Variants in CNTN4 observed in about 807,000 individuals in gnomAD.
CNTN4 encodes contactin-4.
A neutral mutation model predicts 122.5 loss-of-function variants in CNTN4; 77 were observed. The observed-to-expected ratio is 0.63, with a 90% CI of 0.52 to 0.76. The LOEUF is 0.76. Among genes scored for constraint, CNTN4 ranks in the 30% least tolerant of loss-of-function variants. The probability of loss-of-function intolerance (pLI) is 0.00; values close to 1 mark genes in which losing one functional copy is unlikely to be tolerated. For synonymous variants in CNTN4, 512 were observed against 447.0 expected (o/e 1.15, Z -1.83); for missense variants, 1,256 against 1,259.1 (o/e 1.00, Z 0.04).
intron 2 of CNTN4, among the ~76,000 whole-genome samples, chr3:2,300,798 A>T (rs1425723076): frequency 6.6e-6 from 1 of 151,820 alleles, no homozygotes; most frequent in Admixed American, 6.6e-5. Flanking sequence ...CTCCATCAAC[A>T]GACCTTGTGA....
intron 6 of CNTN4, among the ~76,000 whole-genome samples, chr3:2,809,166 G>A (rs895272397): frequency 5.6e-4 from 85 of 152,342 alleles, no homozygotes; most frequent in Non-Finnish European, 4.6e-4. Flanking sequence ...GGCGGCGGTG[G>A]TGATTTCTGG....
intron 4 of CNTN4, among the ~76,000 whole-genome samples, chr3:2,660,391 A>G (rs2083825412): frequency 6.6e-6 from 1 of 152,186 alleles, no homozygotes. Context: ...GCAGCAAACT[A>G]CGCAAAATAA....
intron 4 of CNTN4, among the ~76,000 whole-genome samples, chr3:2,705,632 A>G (rs1419836565): frequency 2.3e-5 from 2 of 85,824 alleles, no homozygotes; most frequent in East Asian, 3.7e-4. Flanking sequence ...ATATATAAAT[A>G]TATATATTAT....
At chr3:2,729,862 A>T (rs1054347691) in intron 4 of CNTN4, among the ~76,000 whole-genome samples, 1 of 152,102 alleles carries the variant, frequency 6.6e-6, no homozygotes, top group Non-Finnish European at 1.5e-5. Flanking sequence ...TGCAGTGAGC[A>T]GAGATCAAGC....
chr3:2,557,079 G>A (rs1049431554), intron 3 of CNTN4, among the ~76,000 whole-genome samples: 7 of 152,128 alleles, frequency 4.6e-5, no homozygotes, highest in African/African-American at 1.7e-4. Context: ...CTGAAATAGC[G>A]TCAGTCTCAA....
At chr3:2,132,092 G>C (rs2034478220) in intron 2 of CNTN4, among the ~76,000 whole-genome samples, 1 of 152,080 alleles carries the variant, frequency 6.6e-6, no homozygotes, top group Non-Finnish European at 1.5e-5. Context: ...TATTTTCTTG[G>C]CATCTTCACT....
intron 2 of CNTN4, among the ~76,000 whole-genome samples, chr3:2,125,328 C>CTGTGTGTG (rs1350582197): frequency 5.9e-4 from 41 of 69,930 alleles, no homozygotes; most frequent in African/African-American, 1.8e-3. Flanking sequence ...ACATTCTATT[C>CTGTGTGTG]TCTGTGTGTG....
intron 2 of CNTN4, among the ~76,000 whole-genome samples, chr3:2,176,166 A>G (rs138021418): frequency 2.6e-5 from 4 of 152,186 alleles, no homozygotes; most frequent in East Asian, 1.9e-4. Flanking sequence ...TATGTAGCCA[A>G]TGACAGGCCT....
chr3:2,929,851 G>A (rs1468854477), intron 13 of CNTN4, among the ~76,000 whole-genome samples: 1 of 152,196 alleles, frequency 6.6e-6, no homozygotes, highest in Non-Finnish European at 1.5e-5. Flanking sequence ...TTTTCCCAAA[G>A]AAATCGAGCT....
rs549618721 is a variant in CNTN4 at position 2,955,500 on chromosome 3, A to G, written c.1358+29721A>G. The stretch of plus-strand genomic sequence containing the variant: ...AGCTCTAGACATTAAATATTCAGAT[A>G]TTCAATTCCAGAAGGACAGAGTGAG... On this transcript the variant is annotated intron_variant, in intron 13 of 24. Coordinates refer to ENST00000418658, the MANE Select transcript of CNTN4 (RefSeq NM_175607.3). Among the ~76,000 whole-genome samples the G allele has an allele frequency of 6.6e-5, 10 of 152,334 alleles. No individual in the cohort carries two copies. The South Asian group carries it at 2.1e-3, about 32-fold the overall frequency.
chr3:2,441,274 T>C (rs772177673), intron 3 of CNTN4, among the ~76,000 whole-genome samples: 14 of 152,206 alleles, frequency 9.2e-5, no homozygotes, highest in Admixed American at 3.3e-4. Flanking sequence ...ATGAGTGGAC[T>C]ATGATATGCA....
At chr3:2,981,929 C>G (rs7635500) in intron 13 of CNTN4, among the ~76,000 whole-genome samples, 12 of 151,628 alleles carry the variant, frequency 7.9e-5, no homozygotes, top group African/African-American at 2.7e-4. Context: ...GCCTAGCTAT[C>G]AGGGAGGCTG....
intron 14 of CNTN4, among the ~76,000 whole-genome samples, chr3:3,001,141 G>T (rs115104881): frequency 1.7e-3 from 263 of 152,214 alleles, no homozygotes; most frequent in Middle Eastern, 3.4e-3. Flanking sequence ...AAAATCAAAT[G>T]TCAGCTTTGC....
intron 4 of CNTN4, among the ~76,000 whole-genome samples, chr3:2,648,817 G>A (rs553620938): frequency 3.8e-4 from 58 of 152,324 alleles, no homozygotes; most frequent in African/African-American, 1.2e-3. Context: ...TGCCTCTTGC[G>A]CCAAATGGTT....
At chr3:2,426,648 C>T (rs1186913070) in intron 3 of CNTN4, among the ~76,000 whole-genome samples, 1 of 152,084 alleles carries the variant, frequency 6.6e-6, no homozygotes, top group Non-Finnish European at 1.5e-5. Flanking sequence ...AGGAATGGTA[C>T]CAGCCCCTCT....
At chr3:2,821,566 C>T (rs540986625) in intron 7 of CNTN4, among the ~76,000 whole-genome samples, 8 of 152,218 alleles carry the variant, frequency 5.3e-5, no homozygotes, top group East Asian at 3.9e-4. Context: ...AAATATTTTA[C>T]GCAGATGTGT....
intron 3 of CNTN4, among the ~76,000 whole-genome samples, chr3:2,480,574 T>C (rs1323002400): frequency 2.0e-5 from 3 of 152,146 alleles, no homozygotes; most frequent in East Asian, 1.9e-4. Flanking sequence ...ATGTACGAGG[T>C]CTATGTGAAG....
At chr3:2,141,812 C>G (rs956277913) in intron 2 of CNTN4, among the ~76,000 whole-genome samples, 1 of 152,092 alleles carries the variant, frequency 6.6e-6, no homozygotes, top group Non-Finnish European at 1.5e-5. Flanking sequence ...CTATGAAATA[C>G]TTTTTAATTG....
At chr3:2,900,970 T>C (rs550208662) in intron 11 of CNTN4, 149 bp downstream of exon 11, 28 of 1,016,238 alleles carry the variant, frequency 2.8e-5, no homozygotes, top group Admixed American at 7.9e-5. Flanking sequence ...GTGAATGCAA[T>C]TGATAAATAG....
Sources: allele counts gnomAD v4.1 joint callset (sites outside exome capture counted in the v4.1 genomes callset), GRCh38; gene constraint gnomAD v4.1.1; transcripts MANE v1.5; gene names NCBI Gene and HGNC (gene_info 2026-07-23, HGNC 2026-07-21).